CDH20: variants seen among roughly 807,000 people sequenced by gnomAD.
The protein encoded by CDH20 is cadherin-20.
In CDH20, 29 loss-of-function variants were observed where a neutral mutation model predicts 74.2. That is an observed-to-expected ratio of 0.39 (90% CI 0.29 to 0.53). The LOEUF is 0.53. Ranked by LOEUF, CDH20 falls within the 20% of genes least tolerant of loss-of-function variation. CDH20 has a pLI of 0.69. For missense variants in CDH20, 988 were observed against 1,048.3 expected, an observed-to-expected ratio of 0.94 and a Z score of 0.79; for synonymous variants, 469 against 405.4, an observed-to-expected ratio of 1.16 and a Z score of -1.88.
At chr18:61,356,600 A>C (rs1045083192) in intron 1 of CDH20, among the ~76,000 whole-genome samples, 2 of 152,210 alleles carry the variant, frequency 1.3e-5, no homozygotes, top group Admixed American at 6.5e-5. Context: ...TTAATTCCCA[A>C]GCTAATAGCA....
At chr18:61,497,120 AAAG>A (rs869239591) in intron 2 of CDH20, among the ~76,000 whole-genome samples, 1 of 151,164 alleles carries the variant, frequency 6.6e-6, no homozygotes, top group East Asian at 1.9e-4. Flanking sequence ...AGAAAGAAAG[AAAG>A]AAAAAAGAAA....
intron 6 of CDH20, 26 bp downstream of exon 6, chr18:61,507,586 A>C (rs1173879731): frequency 6.6e-7 from 1 of 1,524,012 alleles, no homozygotes; most frequent in East Asian, 2.3e-5. Flanking sequence ...TTTCTAAACC[A>C]CTTTCATGGG....
chr18:61,526,380 T>C (rs530940684), intron 6 of CDH20, among the ~76,000 whole-genome samples: 2 of 152,244 alleles, frequency 1.3e-5, no homozygotes, highest in South Asian at 4.1e-4. Context: ...TATTTTTTTC[T>C]GAAAAGCCAA....
At chr18:61,518,303 C>T (rs1912077363) in intron 6 of CDH20, among the ~76,000 whole-genome samples, 1 of 152,218 alleles carries the variant, frequency 6.6e-6, no homozygotes, top group Non-Finnish European at 1.5e-5. Flanking sequence ...GGGTCCTTGA[C>T]CCCCGTGCCT....
intron 2 of CDH20, among the ~76,000 whole-genome samples, chr18:61,493,312 C>T (rs892330736): frequency 5.3e-5 from 8 of 152,104 alleles, no homozygotes; most frequent in Admixed American, 2.6e-4. Flanking sequence ...TTAACTATGC[C>T]GGTGCTGCCT....
chr18:61,483,446 G>A (rs1228306445), intron 1 of CDH20, among the ~76,000 whole-genome samples: 2 of 152,118 alleles, frequency 1.3e-5, no homozygotes, highest in African/African-American at 4.8e-5. Flanking sequence ...ACATTTTTGT[G>A]GAATCCTTGT....
At chr18:61,553,691 G>C (rs182637864) in intron 11 of CDH20, among the ~76,000 whole-genome samples, 3 of 152,264 alleles carry the variant, frequency 2.0e-5, no homozygotes, top group Admixed American at 2.0e-4. Flanking sequence ...TGCATATTAA[G>C]ATATGATTAT....
chr18:61,426,714 C>A (rs947356382), intron 1 of CDH20, among the ~76,000 whole-genome samples: 8 of 152,216 alleles, frequency 5.3e-5, no homozygotes, highest in African/African-American at 9.7e-5. Context: ...TTGTGTGATT[C>A]ATTTTCTTTG....
At chr18:61,402,857 TA>T (rs1168924196) in intron 1 of CDH20, among the ~76,000 whole-genome samples, 1 of 152,172 alleles carries the variant, frequency 6.6e-6, no homozygotes, top group Non-Finnish European at 1.5e-5. Flanking sequence ...GTTGGCAGAG[TA>T]AATCCATGTT....
intron 1 of CDH20, among the ~76,000 whole-genome samples, chr18:61,347,319 T>TATATATAC (rs869054502): frequency 4.0e-4 from 31 of 77,410 alleles, no homozygotes; most frequent in Non-Finnish European, 5.8e-4. Context: ...TATATATATA[T>TATATATAC]ACACACACAC....
rs543520051 is a variant in CDH20 at position 61,437,399 on chromosome 18, T to C, written c.-152-53003T>C. Among the ~76,000 whole-genome samples, 9 of 152,302 alleles carry C rather than the reference T, an allele frequency of 5.9e-5. No individual in the cohort carries two copies. The South Asian group carries it at 1.9e-3, about 32-fold the overall frequency. ...CTTACAACTTCACTCTTGATGAGAA[T>C]GCATAAAATATTATTGGCCCTGTGT... On this transcript the variant is annotated intron_variant, in intron 1 of 11. Transcript: ENST00000262717.
At chr18:61,491,167 T>C (rs1325676788) in intron 2 of CDH20, among the ~76,000 whole-genome samples, 1 of 152,216 alleles carries the variant, frequency 6.6e-6, no homozygotes, top group Non-Finnish European at 1.5e-5. Context: ...TTTTGCTTTG[T>C]GTTTTTGTGG....
chr18:61,549,899 C>T (rs1913372083), intron 10 of CDH20, 79 bp from the exon 11 acceptor site: 1 of 1,458,000 alleles, frequency 6.9e-7, no homozygotes, highest in Non-Finnish European at 9.5e-7. Flanking sequence ...TACACCCTGC[C>T]CCTGCCCCCT....
At chr18:61,537,967 C>A (rs1369120239) in intron 8 of CDH20, among the ~76,000 whole-genome samples, 3 of 151,844 alleles carry the variant, frequency 2.0e-5, no homozygotes, top group African/African-American at 7.3e-5. Flanking sequence ...GGGTGGTGAC[C>A]AAAACAGAAA....
chr18:61,427,285 T>A (rs1177514244), intron 1 of CDH20, among the ~76,000 whole-genome samples: 2 of 152,230 alleles, frequency 1.3e-5, no homozygotes, highest in Non-Finnish European at 2.9e-5. Context: ...TTCAACCCAT[T>A]TTATCCTCAT....
intron 1 of CDH20, among the ~76,000 whole-genome samples, chr18:61,361,879 A>T (rs1374121998): frequency 6.6e-6 from 1 of 152,208 alleles, no homozygotes; most frequent in Non-Finnish European, 1.5e-5. Context: ...ATCTAAGATG[A>T]TCTCTGGCAT....
intron 7 of CDH20, among the ~76,000 whole-genome samples, chr18:61,528,446 G>GACACACATACACACACAC (rs370479851): frequency 0.018 from 1,770 of 97,654 alleles, 12 homozygotes; most frequent in South Asian, 0.024. Flanking sequence ...AATTGGTTGA[G>GACACACATACACACACAC]ACACACACAC....
chr18:61,539,059 A>G lies in CDH20; in HGVS notation c.1444A>G (p.Ile482Val), dbSNP rs780403029. 1.2e-6 allele frequency: 2 copies of G among 1,614,006 alleles called. No individual in the cohort carries two copies. The highest frequency in any genetic ancestry group is 1.7e-6 in the Non-Finnish European group (2 of 1,179,912). The change falls in exon 9 of 12, where the codon ATC becomes GTC. Residue 482 changes from isoleucine to valine, a missense_variant. By Grantham distance (29) the Ile-to-Val change is conservative (BLOSUM62 3). Coordinates refer to ENST00000262717, the MANE Select transcript of CDH20 (RefSeq NM_031891.4). ...CCAGGTTGGAAGTGTTCCTGTCACA[A>G]TCAAAGTCTTAGATGTGAATGACAA... is the stretch of plus-strand genomic sequence containing the variant. ...PSQVGSVPVT[I>V]KVLDVNDNAP...
At position 61,507,522 on chromosome 18, in the gene CDH20, G is replaced by C. The variant is rs374772638; in HGVS notation, c.979G>C (p.Asp327His). Residue 327 changes from aspartate (D) to histidine (H), a missense_variant, in exon 6 of 12, where the codon GAT becomes CAT. By Grantham distance (81) the Asp-to-His change is moderately conservative. Around this residue, in one of 2 missense-constraint regions of CDH20, gnomAD observed 613 missense variants for 755.2 expected, o/e 0.81. Coordinates refer to ENST00000262717, the MANE Select transcript of CDH20 (RefSeq NM_031891.4). Reference sequence around the variant, plus strand: ...TGCAGATGCCTTTGACATTAGCACAGATCCCAATTTCCAAGTTGGTATCAT... The same window carrying C: ...TGCAGATGCCTTTGACATTAGCACACATCCCAATTTCCAAGTTGGTATCAT... The part of the protein sequence containing the change: ...DGADAFDIST[D>H]PNFQVGIITV... 8.7e-6 allele frequency: 14 copies of C among 1,610,574 alleles called. No individual in the cohort carries two copies. The highest frequency in any genetic ancestry group is 2.7e-5 in the African/African-American group (2 of 74,822).
Sources: gnomAD v4.1 joint callset for allele counts (sites outside exome capture counted in the v4.1 genomes callset) on GRCh38, gnomAD v4.1.1 for gene constraint, gnomAD v4.1.1 regional missense constraint, MANE v1.5 for transcripts, NCBI Gene and HGNC (gene_info 2026-07-23, HGNC 2026-07-21) for gene names.